The following GRID1 variants were observed in gnomAD, a reference collection of about 807,000 sequenced individuals.
GRID1 encodes glutamate ionotropic receptor delta type subunit 1, also known as glutamate receptor ionotropic, delta-1.
Under a neutral mutation model 98.0 loss-of-function variants are expected in GRID1, and 28 were observed. The observed-to-expected ratio is 0.29, with a 90% CI of 0.21 to 0.39. GRID1 has a LOEUF of 0.39. GRID1 is among the 10% of genes least tolerant of loss of function. GRID1 has a pLI of 1.00. For missense variants in GRID1, 1,111 were observed against 1,340.5 expected (o/e 0.83, Z 2.67); for synonymous variants, 553 against 538.5 (o/e 1.03, Z -0.37).
intron 4 of GRID1, among the ~76,000 whole-genome samples, chr10:86,115,384 T>C (rs1844560924): frequency 6.6e-6 from 1 of 151,676 alleles, no homozygotes; most frequent in Non-Finnish European, 1.5e-5. Flanking sequence ...AATGAACAGA[T>C]GAATGAAAAC....
At chr10:86,049,624 C>T (rs566744762) in intron 4 of GRID1, among the ~76,000 whole-genome samples, 60 of 152,304 alleles carry the variant, frequency 3.9e-4, no homozygotes, top group Admixed American at 2.5e-3. Flanking sequence ...GGAACCCTGC[C>T]AGAATCAAGG....
At chr10:85,983,338 G>A (rs1235459755) in intron 4 of GRID1, among the ~76,000 whole-genome samples, 1 of 152,202 alleles carries the variant, frequency 6.6e-6, no homozygotes, top group Non-Finnish European at 1.5e-5. Context: ...AAGGAGTGAG[G>A]CACATGTGCA....
chr10:86,156,508 G>A (rs1845247992), intron 3 of GRID1, among the ~76,000 whole-genome samples: 1 of 152,196 alleles, frequency 6.6e-6, no homozygotes, highest in South Asian at 2.1e-4. Context: ...AAGCTGGGGT[G>A]AGGGAATTGA....
chr10:86,216,834 T>G (rs1401058970), intron 2 of GRID1, among the ~76,000 whole-genome samples: 3 of 152,130 alleles, frequency 2.0e-5, no homozygotes, highest in African/African-American at 7.2e-5. Context: ...AGCTCGGCTA[T>G]GCCCAGGACA....
chr10:86,246,865 T>C (rs1300684708), intron 2 of GRID1, among the ~76,000 whole-genome samples: 1 of 152,228 alleles, frequency 6.6e-6, no homozygotes, highest in Non-Finnish European at 1.5e-5. Context: ...TCAGTAACAA[T>C]CACTGTGATG....
At chr10:86,245,933 C>T (rs1396987909) in intron 2 of GRID1, among the ~76,000 whole-genome samples, 1 of 152,266 alleles carries the variant, frequency 6.6e-6, no homozygotes, top group Non-Finnish European at 1.5e-5. Context: ...AGCAGCCAGC[C>T]TCCCTGAGGC....
chr10:86,344,335 C>G (rs1264070222), intron 2 of GRID1, among the ~76,000 whole-genome samples: 1 of 152,254 alleles, frequency 6.6e-6, no homozygotes, highest in African/African-American at 2.4e-5. Context: ...TGTAGAGGAA[C>G]ATGCACTGAC....
At chr10:86,074,193 C>T (rs561831865) in intron 4 of GRID1, among the ~76,000 whole-genome samples, 32 of 152,320 alleles carry the variant, frequency 2.1e-4, no homozygotes, top group African/African-American at 7.0e-4. Context: ...TGGTGTCCAT[C>T]ACCCAAGCAC....
At chr10:85,769,162 G>T (rs1209283070) in intron 8 of GRID1, among the ~76,000 whole-genome samples, 1 of 152,198 alleles carries the variant, frequency 6.6e-6, no homozygotes, top group East Asian at 1.9e-4. Flanking sequence ...AGAGGCCATG[G>T]AATATTATGC....
At chr10:85,750,611 A>G (rs192055661) in intron 8 of GRID1, among the ~76,000 whole-genome samples, 218 of 152,316 alleles carry the variant, frequency 1.4e-3, no homozygotes, top group African/African-American at 5.0e-3. Flanking sequence ...ATACCTAGCA[A>G]TGATATCTAG....
intron 12 of GRID1, among the ~76,000 whole-genome samples, chr10:85,681,460 T>G (rs1841207905): frequency 6.6e-6 from 1 of 152,208 alleles, no homozygotes; most frequent in African/African-American, 2.4e-5. Context: ...GTTTATTAAT[T>G]CTCAAGGCTG....
At chr10:85,831,386 T>G (rs1332057171) in intron 8 of GRID1, among the ~76,000 whole-genome samples, 3 of 152,032 alleles carry the variant, frequency 2.0e-5, no homozygotes, top group Non-Finnish European at 4.4e-5. Flanking sequence ...CCCCATGACA[T>G]GCAACTTACC....
At chr10:85,892,236 A>G (rs1210520988) in intron 5 of GRID1, among the ~76,000 whole-genome samples, 2 of 151,564 alleles carry the variant, frequency 1.3e-5, no homozygotes, top group Non-Finnish European at 2.9e-5. Context: ...AACAGGAAAA[A>G]GATCAACAGA....
At chr10:86,018,308 C>T (rs1843004893) in intron 4 of GRID1, among the ~76,000 whole-genome samples, 1 of 152,214 alleles carries the variant, frequency 6.6e-6, no homozygotes, top group African/African-American at 2.4e-5. Context: ...ACCAAAATTG[C>T]CCAGCTTGGT....
chr10:86,324,732 C>G (rs1848020318), intron 2 of GRID1, among the ~76,000 whole-genome samples: 1 of 151,902 alleles, frequency 6.6e-6, no homozygotes, highest in African/African-American at 2.4e-5. Flanking sequence ...GCATATCAAT[C>G]ATCTCAATAA....
intron 12 of GRID1, among the ~76,000 whole-genome samples, chr10:85,698,432 T>C (rs1014916203): frequency 2.1e-4 from 32 of 152,216 alleles, no homozygotes; most frequent in Admixed American, 2.1e-3. Flanking sequence ...CTGTTTATCA[T>C]AAAATGTTCA....
At chr10:86,054,748 G>A (rs534079587) in intron 4 of GRID1, among the ~76,000 whole-genome samples, 2 of 152,318 alleles carry the variant, frequency 1.3e-5, no homozygotes, top group African/African-American at 4.8e-5. Flanking sequence ...AGGATATGAG[G>A]TGGTGTAGAA....
At chr10:86,096,523 A>C (rs1405367683) in intron 4 of GRID1, among the ~76,000 whole-genome samples, 2 of 152,236 alleles carry the variant, frequency 1.3e-5, no homozygotes, top group Non-Finnish European at 2.9e-5. Context: ...CACTTAGTCC[A>C]GATACGGATT....
rs146790107 is a variant in GRID1 at position 85,673,973 on chromosome 10, T to G, written c.1998-26576A>C. On this transcript the variant is annotated intron_variant, in intron 12 of 15. Coordinates refer to ENST00000327946, the MANE Select transcript of GRID1 (RefSeq NM_017551.3). Reference sequence around the variant, plus strand: ...TCACTTTATTAAGATGATCTGGACTTGAGCAAATTCCTCTCAGATCACTCT... The same window carrying G: ...TCACTTTATTAAGATGATCTGGACTGGAGCAAATTCCTCTCAGATCACTCT... Among the ~76,000 whole-genome samples, 583 of 152,344 alleles carry G rather than the reference T, an allele frequency of 3.8e-3. 3 individuals carry two copies. Among genetic ancestry groups the G allele is most frequent in the African/African-American group, 0.013 (543 of 41,578 alleles).
Sources: allele counts gnomAD v4.1 joint callset (sites outside exome capture counted in the v4.1 genomes callset), GRCh38; gene constraint gnomAD v4.1.1; transcripts MANE v1.5; gene names NCBI Gene and HGNC (gene_info 2026-07-23, HGNC 2026-07-21).